FARP1: variants seen among roughly 807,000 people sequenced by gnomAD.
FARP1 encodes FERM, ARHGEF and pleckstrin domain-containing protein 1.
FARP1 carries 52 observed loss-of-function variants against 128.8 expected under a neutral mutation model. The ratio of observed to expected loss-of-function variants is 0.40; its 90% CI spans 0.32 to 0.51. The LOEUF (loss-of-function observed/expected upper bound fraction) is 0.51, where lower values mean the gene tolerates loss of function less well. Ranked by LOEUF, FARP1 falls within the 20% of genes least tolerant of loss-of-function variation. FARP1 has a pLI of 0.45. For missense variants in FARP1, 1,333 were observed against 1,367.9 expected (o/e 0.97, Z 0.40); for synonymous variants, 580 against 551.8 (o/e 1.05, Z -0.72).
chr13:98,194,242 G>A (rs1049087935), intron 1 of FARP1, among the ~76,000 whole-genome samples: 2 of 151,892 alleles, frequency 1.3e-5, no homozygotes, highest in Non-Finnish European at 2.9e-5. Flanking sequence ...TCAGCCTCCC[G>A]AGTAGCTGGG....
chr13:98,179,466 G>A (rs550429021), intron 1 of FARP1, among the ~76,000 whole-genome samples: 6 of 152,270 alleles, frequency 3.9e-5, no homozygotes, highest in African/African-American at 1.2e-4. Flanking sequence ...CTACAGAGAA[G>A]ACTTATCTCA....
chr13:98,211,183 G>C (rs1271308970), intron 1 of FARP1, among the ~76,000 whole-genome samples: 1 of 152,146 alleles, frequency 6.6e-6, no homozygotes, highest in Non-Finnish European at 1.5e-5. Flanking sequence ...CTAAAGGAGG[G>C]GTCCCCAGAT....
At chr13:98,291,938 G>GTCCT (rs1001615906) in intron 2 of FARP1, among the ~76,000 whole-genome samples, 1 of 152,248 alleles carries the variant, frequency 6.6e-6, no homozygotes, top group Non-Finnish European at 1.5e-5. Context: ...TTTGAGGAGA[G>GTCCT]TCCTTGGTGG....
In FARP1 at chr13:98,177,127, G is replaced by C. The variant is rs574133458; in HGVS notation, c.-24+33635G>C. ...CTCTCCGTGCTCGGGGTCGCAGGCC[G>C]GGCGCTTTCTGAGGCCTGCAGCCCC... is the stretch of plus-strand genomic sequence containing the variant. On this transcript the variant is annotated intron_variant, in intron 1 of 26. Coordinates refer to ENST00000319562, the MANE Select transcript of FARP1 (RefSeq NM_005766.4). 4 of 1,603,854 alleles carry C rather than the reference G, an allele frequency of 2.5e-6. No homozygotes were observed. The South Asian group carries it at 4.4e-5, about 18-fold the overall frequency.
At chr13:98,166,531 G>A (rs1392477124) in intron 1 of FARP1, among the ~76,000 whole-genome samples, 3 of 152,090 alleles carry the variant, frequency 2.0e-5, no homozygotes, top group African/African-American at 7.2e-5. Context: ...AGGAAACTGA[G>A]GCAGGAGAGA....
rs768438161 is a variant in FARP1 at position 98,448,299 on chromosome 13, A to G, written c.3120A>G (p.Lys1040=). The change falls in exon 27 of 27, where the codon AAA becomes AAG. Residue 1040 remains lysine, a synonymous_variant. Transcript: ENST00000319562. ...SASRPHVLSH[K]ESLVY ...CGCGACCCCACGTGTTGAGTCACAAAGAGTCTCTTGTGTATTGATGGCCGG... is the reference window on the plus strand; with the variant it reads ...CGCGACCCCACGTGTTGAGTCACAAGGAGTCTCTTGTGTATTGATGGCCGG... 6.2e-7 allele frequency: 1 copy of G among 1,613,522 alleles called. No homozygotes were observed. The highest frequency in any genetic ancestry group is 8.5e-7 in the Non-Finnish European group (1 of 1,179,434).
intron 2 of FARP1, among the ~76,000 whole-genome samples, chr13:98,254,852 G>A (rs1326089621): frequency 3.3e-5 from 5 of 152,128 alleles, no homozygotes; most frequent in African/African-American, 9.7e-5. Flanking sequence ...GGATATTCAG[G>A]AACCATTTCA....
At chr13:98,158,365 A>G (rs1876638807) in intron 1 of FARP1, among the ~76,000 whole-genome samples, 1 of 152,216 alleles carries the variant, frequency 6.6e-6, no homozygotes, top group Admixed American at 6.5e-5. Context: ...TCCCTACTCT[A>G]CTATTGAAAC....
At chr13:98,366,445 G>A (rs1439844909) in intron 4 of FARP1, among the ~76,000 whole-genome samples, 8 of 152,216 alleles carry the variant, frequency 5.3e-5, no homozygotes, top group Non-Finnish European at 1.0e-4. Flanking sequence ...TGTTGGGGGC[G>A]AAGAGAAGCC....
chr13:98,221,130 G>T (rs7328985), intron 2 of FARP1, among the ~76,000 whole-genome samples: 52,041 of 151,940 alleles, frequency 0.34, 9,379 homozygotes, highest in Middle Eastern at 0.49. Context: ...GGAGAATACC[G>T]ACCACTTGAG....
chr13:98,181,304 C>G (rs1474740812), intron 1 of FARP1, among the ~76,000 whole-genome samples: 2 of 152,176 alleles, frequency 1.3e-5, no homozygotes, highest in African/African-American at 4.8e-5. Context: ...CTGTGACCGA[C>G]AGCAAATGAC....
chr13:98,208,313 GAGA>G (rs754626155), intron 1 of FARP1, among the ~76,000 whole-genome samples: 1 of 122,938 alleles, frequency 8.1e-6, no homozygotes, highest in African/African-American at 3.7e-5. Flanking sequence ...CTCTACTGGG[GAGA>G]AAAAAAAAAA....
At chr13:98,221,076 A>G (rs1325243902) in intron 2 of FARP1, among the ~76,000 whole-genome samples, 2 of 152,148 alleles carry the variant, frequency 1.3e-5, no homozygotes, top group African/African-American at 2.4e-5. Flanking sequence ...CTTCCTACCT[A>G]TGTGGCGCTG....
intron 1 of FARP1, among the ~76,000 whole-genome samples, chr13:98,196,523 A>AT (rs36041370): frequency 0.64 from 96,668 of 152,050 alleles, 32,905 homozygotes; most frequent in Non-Finnish European, 0.76. Context: ...TGCTGGCTAA[A>AT]TAAAATAATA....
intron 2 of FARP1, among the ~76,000 whole-genome samples, chr13:98,270,794 A>G (rs1385419071): frequency 6.6e-6 from 1 of 152,198 alleles, no homozygotes; most frequent in African/African-American, 2.4e-5. Flanking sequence ...CTAAGCATGT[A>G]TATCTTTTAA....
intron 8 of FARP1, among the ~76,000 whole-genome samples, chr13:98,387,800 A>G (rs1890155407): frequency 6.6e-6 from 1 of 152,230 alleles, no homozygotes; most frequent in Non-Finnish European, 1.5e-5. Flanking sequence ...TGATGGGCCC[A>G]GGAGCCAGAC....
At chr13:98,427,329 C>T (rs1453788285) in intron 17 of FARP1, among the ~76,000 whole-genome samples, 1 of 152,226 alleles carries the variant, frequency 6.6e-6, no homozygotes, top group African/African-American at 2.4e-5. Context: ...TTTCCTCTCT[C>T]ATGTAACAGG....
At chr13:98,171,967 T>C (rs1422154981) in intron 1 of FARP1, among the ~76,000 whole-genome samples, 1 of 152,230 alleles carries the variant, frequency 6.6e-6, no homozygotes, top group Non-Finnish European at 1.5e-5. Flanking sequence ...GGTTTTGTTT[T>C]GCATTAGGTC....
At chr13:98,301,438 T>C (rs7334941) in intron 2 of FARP1, among the ~76,000 whole-genome samples, 134,334 of 152,176 alleles carry the variant, frequency 0.88, 59,356 homozygotes, top group East Asian at 1. Flanking sequence ...TCAAGCCTTC[T>C]GCGGAGGTGT....
Sources: gnomAD v4.1 joint callset for allele counts (sites outside exome capture counted in the v4.1 genomes callset) on GRCh38, gnomAD v4.1.1 for gene constraint, MANE v1.5 for transcripts, NCBI Gene and HGNC (gene_info 2026-07-23, HGNC 2026-07-21) for gene names.